CHN2: variants seen among roughly 807,000 people sequenced by gnomAD.
The protein encoded by CHN2 is chimerin 2.
Under a neutral mutation model 56.3 loss-of-function variants are expected in CHN2, and 35 were observed. That is an observed-to-expected ratio of 0.62 (90% confidence interval 0.47 to 0.82). CHN2 has a LOEUF of 0.82. Among genes scored for constraint, CHN2 ranks in the 40% least tolerant of loss-of-function variants. The pLI, the probability that CHN2 is intolerant of heterozygous loss-of-function variation, is 0.00. For synonymous variants in CHN2, 210 were observed against 212.8 expected (o/e 0.99, Z 0.12); for missense variants, 491 against 580.5 (o/e 0.85, Z 1.58).
intron 1 of CHN2, among the ~76,000 whole-genome samples, chr7:29,352,537 C>T (rs1035122706): frequency 5.3e-5 from 8 of 151,980 alleles, no homozygotes; most frequent in Non-Finnish European, 7.4e-5. Flanking sequence ...GCCTGGCCAA[C>T]GCGGTGAAAC....
intron 6 of CHN2, among the ~76,000 whole-genome samples, chr7:29,449,693 C>T (rs1197153686): frequency 2.6e-5 from 4 of 152,300 alleles, no homozygotes; most frequent in Non-Finnish European, 5.9e-5. Context: ...ATAGTTAACT[C>T]AAATAAATGT....
chr7:29,167,970 A>G (rs893763446), intron 2 of CHN2, among the ~76,000 whole-genome samples: 4 of 152,210 alleles, frequency 2.6e-5, no homozygotes, highest in Admixed American at 2.6e-4. Flanking sequence ...CCCTGGGAAC[A>G]TGAGTGATCA....
chr7:29,506,435 G>A (rs1296027829), intron 10 of CHN2, among the ~76,000 whole-genome samples: 2 of 152,002 alleles, frequency 1.3e-5, no homozygotes, highest in Non-Finnish European at 2.9e-5. Flanking sequence ...GTAGGAGTTC[G>A]AGACCAGCCT....
intron 1 of CHN2, among the ~76,000 whole-genome samples, chr7:29,297,734 A>G (rs1352103423): frequency 6.6e-6 from 1 of 152,084 alleles, no homozygotes; most frequent in Non-Finnish European, 1.5e-5. Flanking sequence ...TCCTAAGCCA[A>G]CTAGTTTAAG....
chr7:29,305,161 G>A (rs967385888), intron 1 of CHN2, among the ~76,000 whole-genome samples: 20 of 152,172 alleles, frequency 1.3e-4, no homozygotes, highest in Non-Finnish European at 2.2e-4. Flanking sequence ...CGACAGGCAG[G>A]CCAGGAAATT....
At chr7:29,386,768 G>A (rs1800947409) in intron 3 of CHN2, among the ~76,000 whole-genome samples, 2 of 152,168 alleles carry the variant, frequency 1.3e-5, no homozygotes, top group Non-Finnish European at 2.9e-5. Flanking sequence ...AAATCACAGG[G>A]AAATATTTGA....
At chr7:29,393,573 T>C (rs1801515013) in intron 3 of CHN2, 106 bp from the exon 4 acceptor site, 9 of 524,822 alleles carry the variant, frequency 1.7e-5, no homozygotes, top group Non-Finnish European at 2.9e-5. Flanking sequence ...ATACAATCTG[T>C]AATAAAATTA....
intron 2 of CHN2, among the ~76,000 whole-genome samples, chr7:29,365,183 C>A (rs1268245064): frequency 1.3e-5 from 2 of 152,196 alleles, no homozygotes; most frequent in Non-Finnish European, 2.9e-5. Flanking sequence ...AAAAGATGAT[C>A]CCTGCCAGCC....
chr7:29,459,169 C>T (rs6952122), intron 6 of CHN2, among the ~76,000 whole-genome samples: 6,814 of 152,238 alleles, frequency 0.045, 395 homozygotes, highest in African/African-American at 0.13. Flanking sequence ...TTCTCCCGCT[C>T]GGAAGGCTAT....
chr7:29,292,944 C>T (rs1472572616), intron 1 of CHN2: 3 of 456,168 alleles, frequency 6.6e-6, no homozygotes, highest in African/African-American at 4.0e-5. Context: ...AACCCAGAAG[C>T]CCGAGAGAGC....
intron 1 of CHN2, among the ~76,000 whole-genome samples, chr7:29,258,538 T>G (rs1789259986): frequency 1.3e-5 from 2 of 152,318 alleles, no homozygotes; most frequent in East Asian, 1.9e-4. Flanking sequence ...CTAAGTCTGT[T>G]GCATCTCCCA....
intron 1 of CHN2, among the ~76,000 whole-genome samples, chr7:29,235,852 A>G (rs1041067125): frequency 1.3e-5 from 2 of 152,152 alleles, no homozygotes; most frequent in Non-Finnish European, 2.9e-5. Context: ...CACAGACACA[A>G]AGAAGGGAAC....
chr7:29,412,686 G>T (rs531016160), intron 6 of CHN2, among the ~76,000 whole-genome samples: 1 of 152,048 alleles, frequency 6.6e-6, no homozygotes, highest in Non-Finnish European at 1.5e-5. Flanking sequence ...TGATATTTCC[G>T]GGAAACTTTT....
At chr7:29,248,444 C>T (rs544983827) in intron 1 of CHN2, among the ~76,000 whole-genome samples, 8 of 152,326 alleles carry the variant, frequency 5.3e-5, no homozygotes, top group Admixed American at 4.6e-4. Context: ...GCTGTTGTGA[C>T]GTTAGTTTGG....
chr7:29,445,176 G>T (rs1419859028), intron 6 of CHN2: 1 of 455,910 alleles, frequency 2.2e-6, no homozygotes, highest in Admixed American at 2.3e-5. Flanking sequence ...AAGTAGACTA[G>T]TGTGGAGCCC....
At chr7:29,471,955 A>G (rs1786087373) in intron 6 of CHN2, among the ~76,000 whole-genome samples, 1 of 152,096 alleles carries the variant, frequency 6.6e-6, no homozygotes. Flanking sequence ...CTCCTCTTTC[A>G]GGACTGAAAA....
chr7:29,245,641 A>G (rs1163011891), intron 1 of CHN2, among the ~76,000 whole-genome samples: 3 of 152,224 alleles, frequency 2.0e-5, no homozygotes, highest in African/African-American at 7.2e-5. Flanking sequence ...TAGCCCACAG[A>G]ATTTAAGGGA....
intron 2 of CHN2, among the ~76,000 whole-genome samples, chr7:29,188,548 AAG>A (rs1242943406): frequency 1.3e-5 from 2 of 152,088 alleles, no homozygotes; most frequent in East Asian, 1.9e-4. Flanking sequence ...TTTTAAAAAA[AAG>A]AGGATTTCTG....
At chr7:29,427,802 A>G (rs6946129) in intron 6 of CHN2, among the ~76,000 whole-genome samples, 29,659 of 151,538 alleles carry the variant, frequency 0.2, 3,474 homozygotes, top group African/African-American at 0.32. Context: ...GACTACAGGC[A>G]TGCACCACCA....
Sources: gnomAD v4.1 joint callset for allele counts (sites outside exome capture counted in the v4.1 genomes callset) on GRCh38, gnomAD v4.1.1 for gene constraint, MANE v1.5 for transcripts, NCBI Gene and HGNC (gene_info 2026-07-23, HGNC 2026-07-21) for gene names.